SHISA6: variants seen among roughly 807,000 people sequenced by gnomAD.
SHISA6 encodes the protein protein shisa-6.
SHISA6 carries 22 observed loss-of-function variants against 47.9 expected under a neutral mutation model. That is an observed-to-expected ratio of 0.46 (90% CI 0.33 to 0.66). The LOEUF (loss-of-function observed/expected upper bound fraction) is 0.66. Ranked by LOEUF, SHISA6 falls within the 30% of genes least tolerant of loss-of-function variation. SHISA6 has a pLI of 0.02. For synonymous variants in SHISA6, 388 were observed against 337.8 expected (o/e 1.15, Z -1.63); for missense variants, 680 against 764.6 (o/e 0.89, Z 1.30).
chr17:11,315,368 G>GT (rs1252011478), intron 2 of SHISA6, among the ~76,000 whole-genome samples: 1 of 151,978 alleles, frequency 6.6e-6, no homozygotes, highest in Non-Finnish European at 1.5e-5. Flanking sequence ...GTAAACTGTC[G>GT]TATCACCTGC....
At chr17:11,529,835 G>A (rs2071717349) in intron 3 of SHISA6, among the ~76,000 whole-genome samples, 1 of 151,788 alleles carries the variant, frequency 6.6e-6, no homozygotes, top group South Asian at 2.1e-4. Context: ...CCCTAATAGG[G>A]GAAAAATGGG....
At chr17:11,433,079 T>C (rs1914833680) in intron 3 of SHISA6, among the ~76,000 whole-genome samples, 1 of 152,180 alleles carries the variant, frequency 6.6e-6, no homozygotes, top group African/African-American at 2.4e-5. Flanking sequence ...AATACAGCTA[T>C]TATATATATC....
intron 3 of SHISA6, among the ~76,000 whole-genome samples, chr17:11,531,139 C>G (rs2071728414): frequency 6.6e-6 from 1 of 151,524 alleles, no homozygotes; most frequent in Non-Finnish European, 1.5e-5. Context: ...TATGGTGGCT[C>G]TGTGGCCAGT....
intron 1 of SHISA6, among the ~76,000 whole-genome samples, chr17:11,242,466 A>C (rs1448466381): frequency 2.0e-5 from 3 of 152,196 alleles, no homozygotes; most frequent in African/African-American, 4.8e-5. Flanking sequence ...GAAACTGACC[A>C]ATGTTGGAAC....
intron 3 of SHISA6, among the ~76,000 whole-genome samples, chr17:11,446,789 T>C (rs1031772769): frequency 1.3e-5 from 2 of 152,216 alleles, no homozygotes; most frequent in South Asian, 4.1e-4. Context: ...TGTTTGCCTT[T>C]GTGGTTTTGT....
At chr17:11,366,624 G>C (rs1912459972) in intron 2 of SHISA6, among the ~76,000 whole-genome samples, 1 of 152,234 alleles carries the variant, frequency 6.6e-6, no homozygotes, top group South Asian at 2.1e-4. Context: ...GGTCAGATGA[G>C]GGATGGTGGC....
At chr17:11,404,970 C>T (rs1388945230) in intron 3 of SHISA6, among the ~76,000 whole-genome samples, 2 of 152,140 alleles carry the variant, frequency 1.3e-5, no homozygotes, top group Non-Finnish European at 2.9e-5. Flanking sequence ...GATTTCTGCA[C>T]AAGAGCAATC....
At chr17:11,388,183 G>A (rs997272405) in intron 3 of SHISA6, among the ~76,000 whole-genome samples, 1 of 152,164 alleles carries the variant, frequency 6.6e-6, no homozygotes, top group Non-Finnish European at 1.5e-5. Context: ...GAGTGAGTGG[G>A]TTTGAGTATA....
At chr17:11,438,944 TA>T (rs1181309953) in intron 3 of SHISA6, among the ~76,000 whole-genome samples, 1 of 151,840 alleles carries the variant, frequency 6.6e-6, no homozygotes, top group Non-Finnish European at 1.5e-5. Flanking sequence ...GGTAAGGGAA[TA>T]GGGGAAGCAG....
chr17:11,456,404 C>A (rs1597525317), intron 3 of SHISA6, among the ~76,000 whole-genome samples: 1 of 152,302 alleles, frequency 6.6e-6, no homozygotes, highest in East Asian at 1.9e-4. Flanking sequence ...GTTCCATAAG[C>A]AGTCTCCTTC....
chr17:11,414,888 C>T (rs1350243661), intron 3 of SHISA6, among the ~76,000 whole-genome samples: 2 of 151,622 alleles, frequency 1.3e-5, no homozygotes, highest in East Asian at 3.9e-4. Context: ...GAGTTTGAGA[C>T]CAGCCTGGCC....
Position 11,560,306 on chromosome 17 carries a change from C to G in SHISA6, c.*2002C>G. The G allele has an allele frequency of 6.6e-6, 1 of 152,624 alleles. No homozygotes were observed. The allele number at this position is 152,624 out of a possible 1,614,324, so 9.5% of individuals were successfully genotyped here. A position where few individuals can be genotyped will look rare whatever the true frequency, so the allele number is the denominator to read the frequency against. Reference sequence around the variant, plus strand: ...ACTGTCAGACCCCACACTGGGGATGCATTCCTGGAGTCGTGCGGCTGGAAG... The same window carrying G: ...ACTGTCAGACCCCACACTGGGGATGGATTCCTGGAGTCGTGCGGCTGGAAG... On this transcript the variant is annotated 3_prime_UTR_variant, in exon 6 of 6. Coordinates refer to ENST00000441885, the MANE Select transcript of SHISA6 (RefSeq NM_207386.4).
At chr17:11,543,476 G>C (rs2071851216) in intron 3 of SHISA6, among the ~76,000 whole-genome samples, 1 of 152,102 alleles carries the variant, frequency 6.6e-6, no homozygotes, top group Admixed American at 6.5e-5. Flanking sequence ...AATATAAATA[G>C]AGATACATGC....
chr17:11,258,992 G>A (rs1244311207), intron 1 of SHISA6, among the ~76,000 whole-genome samples: 1 of 152,124 alleles, frequency 6.6e-6, no homozygotes, highest in African/African-American at 2.4e-5. Context: ...TGGATGGAGA[G>A]TTGGATGGAA....
chr17:11,281,702 A>G (rs1412453464), intron 2 of SHISA6, among the ~76,000 whole-genome samples: 1 of 152,194 alleles, frequency 6.6e-6, no homozygotes, highest in Non-Finnish European at 1.5e-5. Flanking sequence ...TTTGTGGAAG[A>G]ATTTTTATAG....
At chr17:11,427,179 G>C (rs1219393307) in intron 3 of SHISA6, among the ~76,000 whole-genome samples, 5 of 152,072 alleles carry the variant, frequency 3.3e-5, no homozygotes, top group African/African-American at 1.2e-4. Flanking sequence ...TGTTGCCCAG[G>C]CTGGAGTGCA....
At position 11,367,548 on chromosome 17, in the gene SHISA6, G is replaced by A. The variant is rs529814740; in HGVS notation, c.800-11866G>A. On this transcript the variant is annotated intron_variant, in intron 2 of 5. Coordinates refer to ENST00000441885, the MANE Select transcript of SHISA6 (RefSeq NM_207386.4). ...GAAAGCACAATTCCCAAGAGGTGAG[G>A]GGCCCTTTGAAACTTGTGGTTCTCA... 3.3e-5 allele frequency among the ~76,000 whole-genome samples: 5 copies of A among 152,284 alleles called. No individual in the cohort carries two copies. In the East Asian group the frequency reaches 7.7e-4, roughly 24 times the overall value.
chr17:11,261,774 T>C (rs1369098843), intron 1 of SHISA6, among the ~76,000 whole-genome samples: 1 of 152,248 alleles, frequency 6.6e-6, no homozygotes, highest in Non-Finnish European at 1.5e-5. Context: ...TGAACCTTTG[T>C]ACACAAGTTT....
rs112046629 is a variant in SHISA6, at chr17:11,382,073, TAGAG to T, written c.895+2577_895+2580del. Among the ~76,000 whole-genome samples, 777 of 150,252 alleles carry T rather than the reference TAGAG, an allele frequency of 5.2e-3. 27 individuals are homozygous for T. In the East Asian group the frequency reaches 0.088, roughly 17 times the overall value. ...CTTCGGAAATGGAGATTCCGTTTTT[TAGAG>T]AGAGAGAGAGAGGGAGACAGGGTCT... On this transcript the variant is annotated intron_variant, in intron 3 of 5. Transcript: ENST00000441885.
Sources: allele counts gnomAD v4.1 joint callset (sites outside exome capture counted in the v4.1 genomes callset), GRCh38; gene constraint gnomAD v4.1.1; transcripts MANE v1.5; gene names NCBI Gene and HGNC (gene_info 2026-07-23, HGNC 2026-07-21).